Variants in LRRC37B observed in about 807,000 individuals in gnomAD.
LRRC37B encodes leucine rich repeat containing 37B.
A neutral mutation model predicts 98.3 loss-of-function variants in LRRC37B; 28 were observed. The ratio of observed to expected loss-of-function variants is 0.28; its 90% CI spans 0.21 to 0.39. The LOEUF (loss-of-function observed/expected upper bound fraction) is 0.39. Among genes scored for constraint, LRRC37B ranks in the 10% least tolerant of loss-of-function variants. The probability of loss-of-function intolerance (pLI) is 1.00; values close to 1 mark genes in which losing one functional copy is unlikely to be tolerated. For missense variants in LRRC37B, 938 were observed against 1,182.7 expected, an observed-to-expected ratio of 0.79 and a Z score of 3.03; for synonymous variants, 364 against 442.7, an observed-to-expected ratio of 0.82 and a Z score of 2.23.
chr17:32,026,761 C>G (rs1910967198), intron 2 of LRRC37B, among the ~76,000 whole-genome samples: 1 of 152,156 alleles, frequency 6.6e-6, no homozygotes, highest in Non-Finnish European at 1.5e-5. Context: ...AAAATCATTA[C>G]AAAAGTCAGG....
At position 32,031,109 on chromosome 17, in the gene LRRC37B, G is replaced by A. The variant is rs1424785134; in HGVS notation, c.1977-269G>A. ...AAAGAGTTATATAGTCCAAAATGTC[G>A]ATGGTACTGAAGTTGTGAAATCCTG... On this transcript the variant is annotated intron_variant, in intron 4 of 11. Coordinates refer to ENST00000327564, the Ensembl canonical transcript of LRRC37B. Among the ~76,000 whole-genome samples, 3 of 151,820 alleles carry A rather than the reference G, an allele frequency of 2.0e-5. No individual in the cohort carries two copies. In the East Asian group the frequency reaches 5.8e-4, roughly 29 times the overall value.
rs190435864 is a variant in LRRC37B at position 32,045,604 on chromosome 17, C to T, written c.2205-96C>T. The T allele has an allele frequency of 2.8e-4, 410 of 1,453,746 alleles. 3 individuals are homozygous for T. The East Asian group carries it at 9.2e-3, about 33-fold the overall frequency. The allele number at this position is 1,453,746 out of a possible 1,614,324, so 90.1% of individuals were successfully genotyped here. ...TCCAGTCCACGGGTCTCAGTAACAC[C>T]TCTTTGCCCAGCCCTGTGGTAGCGT... On this transcript the variant is annotated intron_variant, in intron 7 of 11. Coordinates refer to ENST00000327564, the Ensembl canonical transcript of LRRC37B.
intron 7 of LRRC37B, among the ~76,000 whole-genome samples, chr17:32,037,049 C>T (rs1055965232): frequency 4.5e-5 from 6 of 131,936 alleles, no homozygotes; most frequent in African/African-American, 1.4e-4. Flanking sequence ...TGCAGTGGTG[C>T]CATATCGGCT....
intron 7 of LRRC37B, among the ~76,000 whole-genome samples, chr17:32,037,042 A>C (rs1364688970): frequency 8.0e-6 from 1 of 125,462 alleles, no homozygotes; most frequent in Non-Finnish European, 1.6e-5. Context: ...GCTAGAGTGC[A>C]GTGGTGCCAT....
At chr17:32,037,414 C>G (rs1401538753) in intron 7 of LRRC37B, among the ~76,000 whole-genome samples, 2 of 151,992 alleles carry the variant, frequency 1.3e-5, no homozygotes, top group African/African-American at 2.4e-5. Flanking sequence ...TATAGCCACA[C>G]ACCACCATGC....
intron 8 of LRRC37B, among the ~76,000 whole-genome samples, chr17:32,046,052 A>G (rs1210648565): frequency 1.1e-4 from 17 of 152,318 alleles, no homozygotes; most frequent in East Asian, 3.9e-4. Context: ...CAAGAGAAAG[A>G]AATGGGAAGG....
At chr17:32,012,807 A>T (rs182581222) in intron 1 of LRRC37B, among the ~76,000 whole-genome samples, 1 of 152,354 alleles carries the variant, frequency 6.6e-6, no homozygotes, top group East Asian at 1.9e-4. Context: ...ACCTGAGGTC[A>T]GGAGTTCGAG....
exon 1 of LRRC37B, chr17:32,022,332 G>A (rs1567613809): frequency 6.2e-7 from 1 of 1,613,952 alleles, no homozygotes; most frequent in East Asian, 2.2e-5. Context: ...ACACCCTGAG[G>A]TGACACTTCC....
At chr17:32,052,235 G>T (rs1252083855) in intron 11 of LRRC37B, 1 of 150,544 alleles carries the variant, frequency 6.6e-6, no homozygotes. Flanking sequence ...ACCCAGACTG[G>T]AGAGCAATGG....
At chr17:32,025,294 C>CT (rs1910923538) in intron 2 of LRRC37B, among the ~76,000 whole-genome samples, 1 of 151,246 alleles carries the variant, frequency 6.6e-6, no homozygotes, top group South Asian at 2.1e-4. Context: ...CCTTGGCCTC[C>CT]TAAAGTGCTC....
At chr17:32,047,792 A>G in exon 9 of LRRC37B, 2 of 1,613,998 alleles carry the variant, frequency 1.2e-6, no homozygotes, top group Non-Finnish European at 1.7e-6. Flanking sequence ...ATCCAGAAGG[A>G]GCGTTCATGA....
At chr17:32,043,422 G>A (rs1183861118) in intron 7 of LRRC37B, among the ~76,000 whole-genome samples, 2 of 152,188 alleles carry the variant, frequency 1.3e-5, no homozygotes, top group East Asian at 3.9e-4. Flanking sequence ...TGAGCCAGGT[G>A]TGGTGGCACG....
chr17:32,046,591 C>CTTTT (rs1254799317), intron 8 of LRRC37B, among the ~76,000 whole-genome samples: 1 of 133,658 alleles, frequency 7.5e-6, no homozygotes. Flanking sequence ...AAAACTTTTT[C>CTTTT]TTTTTTTCTT....
intron 7 of LRRC37B, among the ~76,000 whole-genome samples, chr17:32,043,185 C>A (rs1214217432): frequency 6.6e-6 from 1 of 152,158 alleles, no homozygotes; most frequent in East Asian, 1.9e-4. Flanking sequence ...TACAGGTGTT[C>A]ATTATACCAT....
intron 7 of LRRC37B, among the ~76,000 whole-genome samples, chr17:32,039,427 A>T (rs1911342827): frequency 2.8e-5 from 4 of 140,374 alleles, no homozygotes; most frequent in African/African-American, 1.1e-4. Context: ...CAGTGAGCCA[A>T]GATGACACCA....
intron 7 of LRRC37B, chr17:32,040,884 A>C: frequency 3.4e-6 from 3 of 877,562 alleles, no homozygotes; most frequent in Admixed American, 1.7e-5. Context: ...CCTGAAGGGG[A>C]TCCAGCACCA....
intron 7 of LRRC37B, 199 bp from the exon 11 acceptor site, chr17:32,045,501 A>G (rs1911546419): frequency 3.4e-6 from 2 of 586,968 alleles, no homozygotes; most frequent in Non-Finnish European, 6.1e-6. Context: ...TAGGCATACC[A>G]TACTCACTGC....
exon 1 of LRRC37B, chr17:32,021,284 G>A (rs1910767019): frequency 6.2e-7 from 1 of 1,613,238 alleles, no homozygotes; most frequent in Non-Finnish European, 8.5e-7. Flanking sequence ...GGCCACCTGA[G>A]CCCTGGTCTT....
At position 32,015,127 on chromosome 17, in the gene LRRC37B, C is replaced by CAAA. The variant is rs1338827225; in HGVS notation, c.-190-2839_-190-2837dup. Among the ~76,000 whole-genome samples, 7 of 150,974 alleles carry CAAA rather than the reference C, an allele frequency of 4.6e-5. No homozygotes were observed. The South Asian group carries it at 1.5e-3, about 32-fold the overall frequency. ...CCTGGGCGACAGAGCGACTCTGTCTCAAAAAAAAGAAAGCACCTGTAAAAG... is the reference window on the plus strand; with the variant it reads ...CCTGGGCGACAGAGCGACTCTGTCTCAAAAAAAAAAAGAAAGCACCTGTAAAAG... On this transcript the variant is annotated intron_variant, in intron 1 of 14. Transcript: ENST00000543378.
Sources: allele counts gnomAD v4.1 joint callset (sites outside exome capture counted in the v4.1 genomes callset), GRCh38; gene constraint gnomAD v4.1.1; transcripts MANE v1.5; gene names NCBI Gene and HGNC (gene_info 2026-07-23, HGNC 2026-07-21).